F5: variants seen among roughly 807,000 people sequenced by gnomAD.
The protein encoded by F5 is activated protein c cofactor.
A neutral mutation model predicts 216.4 loss-of-function variants in F5; 138 were observed. That is an observed-to-expected ratio of 0.64 (90% confidence interval 0.56 to 0.73). F5 has a LOEUF of 0.73. F5 is among the 30% of genes least tolerant of loss of function. F5 has a pLI of 0.00. For synonymous variants in F5, 916 were observed against 930.7 expected (o/e 0.98, Z 0.29); for missense variants, 2,403 against 2,674.0 (o/e 0.90, Z 2.24).
At chr1:169,518,709 G>A in intron 22 of F5, 146 bp from the exon 23 acceptor site, 5 of 907,934 alleles carry the variant, frequency 5.5e-6, no homozygotes, top group Non-Finnish European at 8.6e-6. Context: ...GAATCCAAGT[G>A]CCAAATACTG....
Position 169,536,599 on chromosome 1 carries a change from G to C in F5, c.4878C>G (p.Ser1626Arg). 6.2e-7 allele frequency: 1 copy of C among 1,613,366 alleles called. No homozygotes were observed. The highest frequency in any genetic ancestry group is 2.2e-5 in the East Asian group (1 of 44,862). Residue 1626 changes from serine (S) to arginine (R), a missense_variant, in exon 14 of 25, where the codon AGC becomes AGG. By Grantham distance (110) the Ser-to-Arg change is moderately radical. Transcript: ENST00000367797. ...KKVVFRKYLD[S>R]TFTKRDPRGE... ...CTCGAGGATCACGTTTGGTAAAAGT[G>C]CTGTCGAGGTACTTTCGAAAAACTA... is the stretch of plus-strand genomic sequence containing the variant.
intron 2 of F5, among the ~76,000 whole-genome samples, chr1:169,578,936 T>C (rs1660925908): frequency 6.6e-6 from 1 of 152,186 alleles, no homozygotes; most frequent in Non-Finnish European, 1.5e-5. Flanking sequence ...CCACATTTTC[T>C]ATTGGAAAGG....
chr1:169,553,757 C>T (rs1019903731), intron 7 of F5, among the ~76,000 whole-genome samples: 12 of 152,198 alleles, frequency 7.9e-5, no homozygotes, highest in African/African-American at 2.2e-4. Context: ...GATGCCCTCT[C>T]ATGCCAGTCA....
At position 169,540,805 on chromosome 1, in the gene F5, G is replaced by A. The variant is rs746511963; in HGVS notation, c.4285C>T (p.Leu1429Phe). 6.2e-7 allele frequency: 1 copy of A among 1,613,650 alleles called. No homozygotes were observed. Among genetic ancestry groups the A allele is most frequent in the Non-Finnish European group, 8.5e-7 (1 of 1,179,876 alleles). ...DLSPNFGQMS[L>F]SPDLSQVTLS... ...GTCACCTGGCTGAGGTCTGGGGAAA[G>A]GGACATCTGACCAAAGTTTGGGGAA... Residue 1429 changes from leucine (L) to phenylalanine (F), a missense_variant, in exon 13 of 25, where the codon CTT (leucine) becomes TTT (phenylalanine). By Grantham distance (22) the Leu-to-Phe change is conservative. Transcript: ENST00000367797.
rs753335016 is a variant in F5 at position 169,541,211 on chromosome 1, G to A, written c.3879C>T (p.Asn1293=). Residue 1293 remains asparagine, a synonymous_variant, in exon 13 of 25, where the codon AAC becomes AAT. Transcript: ENST00000367797. ...TCATATGGCTGAGTTCTGGAGAGAG[G>A]TTTGTCTGGCTGAAGTCTAGAGAAA... ...TTLSLDFSQT[N]LSPELSHMTL... 4 of 1,592,446 alleles carry A rather than the reference G, an allele frequency of 2.5e-6. No individual in the cohort carries two copies. Among genetic ancestry groups the A allele is most frequent in the African/African-American group, 1.4e-5 (1 of 73,406 alleles).
Position 169,520,563 on chromosome 1 carries a change from G to A in F5, c.6150C>T (p.Asn2050=), listed in dbSNP as rs1207935478. 5 of 1,614,034 alleles carry A rather than the reference G, an allele frequency of 3.1e-6. No individual in the cohort carries two copies. Among genetic ancestry groups the A allele is most frequent in the Non-Finnish European group, 4.2e-6 (5 of 1,179,952 alleles). ...YIRISPTRAY[N]RPTLRLELQG... is the part of the protein sequence containing the mutation. ...GCAGTTCCAATCGAAGGGTAGGTCT[G>A]TTATAGGCTCGAGTTGGAGAGATCC... The change falls in exon 22 of 25, where the codon AAC becomes AAT. Residue 2050 remains asparagine (N), a synonymous_variant. Coordinates refer to ENST00000367797, the MANE Select transcript of F5 (RefSeq NM_000130.5).
At chr1:169,530,658 C>T in intron 15 of F5, 128 bp downstream of exon 15, 7 of 833,112 alleles carry the variant, frequency 8.4e-6, no homozygotes, top group Non-Finnish European at 1.4e-5. Flanking sequence ...CTGTTAACCA[C>T]ACCCTTATGC....
At chr1:169,575,155 G>A (rs940055445) in intron 2 of F5, among the ~76,000 whole-genome samples, 5 of 152,146 alleles carry the variant, frequency 3.3e-5, no homozygotes, top group Non-Finnish European at 7.4e-5. Context: ...ATCCCTTCCC[G>A]AGGAATTAAT....
At chr1:169,545,080 G>A (rs1219004500) in intron 11 of F5, among the ~76,000 whole-genome samples, 3 of 152,120 alleles carry the variant, frequency 2.0e-5, no homozygotes, top group African/African-American at 7.2e-5. Context: ...AAAACCAAAG[G>A]TATGATTTCT....
At chr1:169,586,084 T>C (rs1046893351) in intron 1 of F5, 145 bp downstream of exon 1, 7 of 894,182 alleles carry the variant, frequency 7.8e-6, no homozygotes, top group African/African-American at 1.7e-5. Flanking sequence ...CCAGTTTATT[T>C]AATTCAGTAT....
intron 13 of F5, 32 bp downstream of exon 13, chr1:169,540,262 A>G (rs1659802009): frequency 6.2e-7 from 1 of 1,611,122 alleles, no homozygotes; most frequent in African/African-American, 1.3e-5. Context: ...TAATGGAAAA[A>G]TGAGAATAAA....
Position 169,515,510 on chromosome 1 carries a change from G to T in F5, c.6462C>A (p.Thr2154=). The T allele has an allele frequency of 6.2e-7, 1 of 1,613,586 alleles. No individual in the cohort carries two copies. Among genetic ancestry groups the T allele is most frequent in the Non-Finnish European group, 8.5e-7 (1 of 1,179,670 alleles). The part of the protein sequence containing the change: ...LSSEMYVKSY[T]IHYSEQGVEW... ...CCACTCCCTGCTCACTGTAGTGGAT[G>T]GTATAGCTCTTTACATACATTTCAG... The change falls in exon 24 of 25, where the codon ACC becomes ACA. Residue 2154 remains threonine, a synonymous_variant. Coordinates refer to ENST00000367797, the MANE Select transcript of F5 (RefSeq NM_000130.5).
Position 169,550,542 on chromosome 1 carries a change from C to T in F5, c.1396+98G>A, listed in dbSNP as rs1427581577. 4 of 860,456 alleles carry T rather than the reference C, an allele frequency of 4.6e-6. No homozygotes were observed. The East Asian group carries it at 1.0e-4, about 22-fold the overall frequency. The allele number at this position is 860,456 out of a possible 1,614,324, so 53.3% of individuals were successfully genotyped here. On this transcript the variant is annotated intron_variant, in intron 9 of 24. Coordinates refer to ENST00000367797, the MANE Select transcript of F5 (RefSeq NM_000130.5). ...ATACTCCTACATGTATACTACCTGA[C>T]TGCAGTAGTGACACCACCGGGCAAG...
At position 169,523,210 on chromosome 1, in the gene F5, G is replaced by T; in HGVS notation, c.6035C>A (p.Thr2012Lys). Reference protein sequence around the residue: ...INWQIFKGNSTRNVMYFNGNS... With the variant: ...INWQIFKGNSKRNVMYFNGNS... The stretch of plus-strand genomic sequence containing the variant: ...ATGCACACAAACCATCACATTCCTT[G>T]TGCTGTTCCCTTTGAAGATCTGCCA... Residue 2012 changes from threonine to lysine, a missense_variant, in exon 21 of 25, where the codon ACA (threonine) becomes AAA (lysine). This residue lies in a region of F5 where 659 missense variants were observed against 787.9 expected (regional missense o/e 0.84). Coordinates refer to ENST00000367797, the MANE Select transcript of F5 (RefSeq NM_000130.5). 1.2e-6 allele frequency: 2 copies of T among 1,614,054 alleles called. No individual in the cohort carries two copies.
At chr1:169,559,749 T>G (rs1183591678) in intron 4 of F5, among the ~76,000 whole-genome samples, 1 of 152,186 alleles carries the variant, frequency 6.6e-6, no homozygotes, top group Non-Finnish European at 1.5e-5. Context: ...GAGAAAAACA[T>G]GCTGCTGATG....
At chr1:169,560,804 T>C in intron 3 of F5, 38 bp from the exon 4 acceptor site, 1 of 1,598,692 alleles carries the variant, frequency 6.3e-7, no homozygotes, top group South Asian at 1.1e-5. Context: ...GTGGGCAGTT[T>C]CTGAGGATTG....
chr1:169,571,122 G>A (rs764979564), intron 3 of F5, among the ~76,000 whole-genome samples: 7 of 152,168 alleles, frequency 4.6e-5, no homozygotes, highest in Non-Finnish European at 1.0e-4. Context: ...TTATAATATG[G>A]ATACAATTTT....
At chr1:169,578,131 T>A (rs16862374) in intron 2 of F5, among the ~76,000 whole-genome samples, 16,270 of 152,156 alleles carry the variant, frequency 0.11, 1,167 homozygotes, top group African/African-American at 0.19. Flanking sequence ...TACTATAGAG[T>A]TACAAAGGTG....
Position 169,542,824 on chromosome 1 carries a change from G to C in F5, c.2266C>G (p.Leu756Val), listed in dbSNP as rs778086649. 6.2e-7 allele frequency: 1 copy of C among 1,614,126 alleles called. No individual in the cohort carries two copies. Among genetic ancestry groups the C allele is most frequent in the Non-Finnish European group, 8.5e-7 (1 of 1,179,990 alleles). ...QEEEEFNLTA[L>V]ALENGTEFVS... ...AATTCAGTGCCATTCTCCAGAGCTA[G>C]GGCAGTAAGATTGAACTCTTCTTCT... Residue 756 changes from leucine (L) to valine (V), a missense_variant, in exon 13 of 25, where the codon CTA becomes GTA. Leu to Val is a conservative substitution (Grantham distance 32, BLOSUM62 1). Around this residue, in one of 4 missense-constraint regions of F5, gnomAD observed 1,425 missense variants for 1,554.8 expected, o/e 0.92. Transcript: ENST00000367797.
Sources: allele counts gnomAD v4.1 joint callset (sites outside exome capture counted in the v4.1 genomes callset), GRCh38; gene constraint gnomAD v4.1.1; regional missense constraint gnomAD v4.1.1; transcripts MANE v1.5; gene names NCBI Gene and HGNC (gene_info 2026-07-23, HGNC 2026-07-21).